Variants in NXN observed in about 807,000 individuals in gnomAD.
The protein encoded by NXN is nucleoredoxin.
Under a neutral mutation model 48.6 loss-of-function variants are expected in NXN, and 16 were observed. The observed-to-expected ratio is 0.33, with a 90% confidence interval of 0.22 to 0.50. NXN has a LOEUF of 0.50. NXN is among the 20% of genes least tolerant of loss of function. NXN has a pLI of 0.98. For missense variants in NXN, 492 were observed against 605.5 expected (o/e 0.81, Z 1.97); for synonymous variants, 281 against 269.6 (o/e 1.04, Z -0.41).
intron 1 of NXN, among the ~76,000 whole-genome samples, chr17:948,292 T>C (rs181394894): frequency 1.2e-3 from 177 of 152,014 alleles, no homozygotes; most frequent in Non-Finnish European, 2.3e-3. Flanking sequence ...TATCAAAATA[T>C]CTCACGTCCA....
intron 1 of NXN, among the ~76,000 whole-genome samples, chr17:862,224 A>G (rs2068048197): frequency 6.6e-6 from 1 of 152,170 alleles, no homozygotes; most frequent in African/African-American, 2.4e-5. Context: ...ATGTAGAAAC[A>G]GATTCAGGAG....
chr17:825,545 A>G lies in NXN; in HGVS notation c.478+416T>C. 1 of 169,542 alleles carries G rather than the reference A, an allele frequency of 5.9e-6. No homozygotes were observed. The highest frequency in any genetic ancestry group is 1.3e-5 in the Non-Finnish European group (1 of 77,858). 10.5% of individuals were successfully genotyped at this position (169,542 alleles called of 1,614,324 possible). On this transcript the variant is annotated intron_variant, in intron 2 of 7. Transcript: ENST00000336868. The surrounding 1 kb of genome is among the most constrained non-coding windows in gnomAD (Gnocchi z 4.1). Reference sequence around the variant, plus strand: ...ACTCACCGCCAAGGCCAGGAGAGTGACACGGGGGCTGGGACTTCGCTATGT... The same window carrying G: ...ACTCACCGCCAAGGCCAGGAGAGTGGCACGGGGGCTGGGACTTCGCTATGT...
chr17:933,260 C>G lies in NXN; in HGVS notation c.360+46059G>C, dbSNP rs187772359. ...GAGGCAGCTGAAGACAAAGTTGAGG[C>G]CTTTGGGAGAAGAGCTCGGCCAGAG... On this transcript the variant is annotated intron_variant, in intron 1 of 7. Transcript: ENST00000336868. 4.3e-4 allele frequency: 65 copies of G among 152,264 alleles called. 1 individual carries two copies. The highest frequency in any genetic ancestry group is 1.3e-3 in the African/African-American group (56 of 41,554). The allele number at this position is 152,264 out of a possible 1,614,324, so 9.4% of individuals were successfully genotyped here. A position where few individuals can be genotyped will look rare whatever the true frequency, so the allele number is the denominator to read the frequency against.
At chr17:860,629 GGTGATCCACCCACCTTGGCCTCCCAAA>G (rs1326831901) in intron 1 of NXN, among the ~76,000 whole-genome samples, 1 of 150,492 alleles carries the variant, frequency 6.6e-6, no homozygotes, top group African/African-American at 2.4e-5. Flanking sequence ...CCTGACCTCA[GGTGATCCACCCACCTTGGCCTCCCAAA>G]GTGCTGGGAT....
chr17:943,592 C>CA lies in NXN; in HGVS notation c.360+35726dup, dbSNP rs1200724163. Among the ~76,000 whole-genome samples the CA allele has an allele frequency of 2.6e-5, 4 of 151,464 alleles. No homozygotes were observed. In the East Asian group the frequency reaches 7.8e-4, roughly 29 times the overall value. On this transcript the variant is annotated intron_variant, in intron 1 of 7. Coordinates refer to ENST00000336868, the MANE Select transcript of NXN (RefSeq NM_022463.5). ...ATCCCAGCAGTTTGGGAGGCTGAGG[C>CA]AGGCGGATCACTTGAGGCCAGGAGT...
chr17:891,007 C>G (rs932120284), intron 1 of NXN, among the ~76,000 whole-genome samples: 4 of 130,964 alleles, frequency 3.1e-5, no homozygotes, highest in African/African-American at 1.1e-4. Flanking sequence ...ACAAATCAAT[C>G]AATCTATCTA....
intron 1 of NXN, among the ~76,000 whole-genome samples, chr17:831,064 G>A (rs1401673408): frequency 6.6e-6 from 1 of 151,016 alleles, no homozygotes; most frequent in Admixed American, 6.6e-5. Context: ...AGAAATTTGA[G>A]AGCGAAAACT....
chr17:934,360 T>G (rs916602474), intron 1 of NXN, among the ~76,000 whole-genome samples: 32 of 149,332 alleles, frequency 2.1e-4, no homozygotes, highest in African/African-American at 6.9e-4. Flanking sequence ...GCAGGAGAAT[T>G]GCGTGAACCC....
At chr17:943,159 A>G (rs1488095653) in intron 1 of NXN, among the ~76,000 whole-genome samples, 1 of 152,262 alleles carries the variant, frequency 6.6e-6, no homozygotes, top group African/African-American at 2.4e-5. Flanking sequence ...TAAGGTAAAT[A>G]TTAATGTTAG....
intron 1 of NXN, among the ~76,000 whole-genome samples, chr17:836,319 A>G (rs970578997): frequency 6.6e-6 from 1 of 152,192 alleles, no homozygotes; most frequent in Non-Finnish European, 1.5e-5. Context: ...GGATCAAGGC[A>G]AAGCCAACGC....
chr17:878,641 G>A (rs935451069), intron 1 of NXN, among the ~76,000 whole-genome samples: 1 of 152,070 alleles, frequency 6.6e-6, no homozygotes, highest in African/African-American at 2.4e-5. Context: ...AGGTTGTTCT[G>A]GGAGCTGTGT....
At position 886,277 on chromosome 17, in the gene NXN, A is replaced by G. The variant is rs569350660; in HGVS notation, c.361-60199T>C. ...TCCAACATTATTCTTGGCTCTGCTG[A>G]CATTGCTTTGGCTTTAAAAAATCAA... On this transcript the variant is annotated intron_variant, in intron 1 of 7. Coordinates refer to ENST00000336868, the MANE Select transcript of NXN (RefSeq NM_022463.5). 1.4e-3 allele frequency among the ~76,000 whole-genome samples: 216 copies of G among 152,248 alleles called. 5 individuals are homozygous for G. The South Asian group carries it at 0.043, about 30-fold the overall frequency.
At chr17:929,821 T>C (rs906561512) in intron 1 of NXN, 23 of 152,120 alleles carry the variant, frequency 1.5e-4, no homozygotes, top group Admixed American at 1.2e-3. Flanking sequence ...AACTGTGTAG[T>C]AGTGTTTAAT....
chr17:919,997 C>T lies in NXN; in HGVS notation c.360+59322G>A, dbSNP rs2068729420. Among the ~76,000 whole-genome samples the T allele has an allele frequency of 6.6e-6, 1 of 152,162 alleles. No individual in the cohort carries two copies. Among genetic ancestry groups the T allele is most frequent in the Non-Finnish European group, 1.5e-5 (1 of 68,034 alleles). ...TTCATCACCCATCCAGAGCAACTAC[C>T]CACTTCCACGGCCTCCTCCATGTGA... On this transcript the variant is annotated intron_variant, in intron 1 of 7. Coordinates refer to ENST00000336868, the MANE Select transcript of NXN (RefSeq NM_022463.5). This position sits in a 1 kb window ranked among gnomAD's most constrained non-coding sequence, Gnocchi z 5.1.
At chr17:912,718 C>T (rs958743019) in intron 1 of NXN, among the ~76,000 whole-genome samples, 3 of 151,988 alleles carry the variant, frequency 2.0e-5, no homozygotes, top group Non-Finnish European at 4.4e-5. Flanking sequence ...TTTGGGAGGC[C>T]GATGCGGGCG....
chr17:974,912 C>T (rs2069440442), intron 1 of NXN, among the ~76,000 whole-genome samples: 1 of 151,724 alleles, frequency 6.6e-6, no homozygotes, highest in Non-Finnish European at 1.5e-5. Context: ...CTGCAGCCTC[C>T]ACCTCCTGGG....
chr17:841,529 CCATGGAGCATCT>C (rs1914258618), intron 1 of NXN, among the ~76,000 whole-genome samples: 3 of 68,100 alleles, frequency 4.4e-5, no homozygotes, highest in South Asian at 5.0e-4. Flanking sequence ...GTCCCCCCGA[CCATGGAGCATCT>C]CACGCCGGCG....
chr17:911,300 C>T (rs2068633157), intron 1 of NXN: 1 of 150,810 alleles, frequency 6.6e-6, no homozygotes, highest in Non-Finnish European at 1.5e-5. Context: ...GTATTTCTAG[C>T]CAGGAACAGT....
chr17:852,692 C>T (rs908017138), intron 1 of NXN, among the ~76,000 whole-genome samples: 2 of 152,160 alleles, frequency 1.3e-5, no homozygotes, highest in Admixed American at 1.3e-4. Context: ...TCAGCCCGGG[C>T]TATAGAGTGG....
Sources: gnomAD v4.1 joint callset for allele counts (sites outside exome capture counted in the v4.1 genomes callset) on GRCh38, gnomAD v4.1.1 for gene constraint, Gnocchi (gnomAD v3.1) non-coding constraint, MANE v1.5 for transcripts, NCBI Gene and HGNC (gene_info 2026-07-23, HGNC 2026-07-21) for gene names.